Variants in MSRA observed in about 807,000 individuals in gnomAD.
The protein encoded by MSRA is methionine sulfoxide reductase A, also known as mitochondrial peptide methionine sulfoxide reductase.
A neutral mutation model predicts 31.3 loss-of-function variants in MSRA; 54 were observed. The ratio of observed to expected loss-of-function variants is 1.73; its 90% CI spans 1.39 to 2.17. The LOEUF (loss-of-function observed/expected upper bound fraction) is 2.17, where lower values mean the gene tolerates loss of function less well. Among genes scored for constraint, MSRA ranks in the 30% most tolerant of loss-of-function variants. MSRA has a pLI of 0.00. For missense variants in MSRA, 507 were observed against 300.9 expected, an observed-to-expected ratio of 1.69 and a Z score of -5.07; for synonymous variants, 169 against 116.5, an observed-to-expected ratio of 1.45 and a Z score of -2.90.
intron 2 of MSRA, among the ~76,000 whole-genome samples, chr8:10,232,233 A>T (rs926259499): frequency 6.6e-6 from 1 of 152,202 alleles, no homozygotes; most frequent in Non-Finnish European, 1.5e-5. Flanking sequence ...GTAACTGCAC[A>T]TGTTCTAATG....
intron 5 of MSRA, among the ~76,000 whole-genome samples, chr8:10,327,293 A>G (rs752678159): frequency 2.6e-5 from 4 of 152,152 alleles, no homozygotes; most frequent in South Asian, 2.1e-4. Context: ...ATCAGTATAT[A>G]GCTACAATCT....
intron 1 of MSRA, among the ~76,000 whole-genome samples, chr8:10,093,198 T>A (rs1340318219): frequency 6.6e-6 from 1 of 152,220 alleles, no homozygotes; most frequent in Non-Finnish European, 1.5e-5. Flanking sequence ...ATGCAATTAC[T>A]GATGAGATAG....
chr8:10,264,014 A>G (rs531364418), intron 3 of MSRA, among the ~76,000 whole-genome samples: 26 of 152,288 alleles, frequency 1.7e-4, no homozygotes, highest in African/African-American at 6.3e-4. Context: ...CACAGGCTTC[A>G]GATCTGTGTG....
intron 3 of MSRA, among the ~76,000 whole-genome samples, chr8:10,278,389 C>T (rs923487760): frequency 6.6e-6 from 1 of 152,252 alleles, no homozygotes; most frequent in African/African-American, 2.4e-5. Flanking sequence ...CGCACATGCA[C>T]AGGTTGACTT....
chr8:10,275,764 A>T (rs1799288419), intron 3 of MSRA, among the ~76,000 whole-genome samples: 1 of 152,172 alleles, frequency 6.6e-6, no homozygotes, highest in Non-Finnish European at 1.5e-5. Context: ...AAAACAGGAA[A>T]CCTCAGTACA....
rs764077051 is a variant in MSRA at position 10,301,629 on chromosome 8, C to T, written c.427C>T (p.Pro143Ser). 1 of 1,613,404 alleles carries T rather than the reference C, an allele frequency of 6.2e-7. No homozygotes were observed. The highest frequency in any genetic ancestry group is 8.5e-7 in the Non-Finnish European group (1 of 1,179,504). Residue 143 changes from proline to serine, a missense_variant, in exon 4 of 6, where the codon CCG becomes TCG. By Grantham distance (74) the Pro-to-Ser change is moderately conservative. Transcript: ENST00000317173. The stretch of plus-strand genomic sequence containing the variant: ...CAAGGTCTTCTGGGAGAATCACGAC[C>T]CGACCCAAGGTAGAGTGATGAGTGA... ...LLKVFWENHD[P>S]TQGMRQGNDH...
rs771849740 is a variant in MSRA, at chr8:10,242,122, T to C, written c.212-2982T>C. On this transcript the variant is annotated intron_variant, in intron 2 of 5. Transcript: ENST00000317173. Reference sequence around the variant, plus strand: ...CCCCATCTCTACTAAAAACACAGAATTAGCCGGGCATGGTAGTACGCGCTT... The same window carrying C: ...CCCCATCTCTACTAAAAACACAGAACTAGCCGGGCATGGTAGTACGCGCTT... 2.0e-5 allele frequency among the ~76,000 whole-genome samples: 3 copies of C among 152,036 alleles called. No individual in the cohort carries two copies. The South Asian group carries it at 6.2e-4, about 32-fold the overall frequency.
intron 1 of MSRA, among the ~76,000 whole-genome samples, chr8:10,132,852 G>A (rs936232481): frequency 1.9e-4 from 29 of 152,214 alleles, no homozygotes; most frequent in African/African-American, 6.5e-4. Flanking sequence ...ACAAAGGTAT[G>A]TCTTTTGACT....
chr8:10,129,933 G>A (rs952909807), intron 1 of MSRA, among the ~76,000 whole-genome samples: 1 of 152,100 alleles, frequency 6.6e-6, no homozygotes, highest in African/African-American at 2.4e-5. Flanking sequence ...TAAAACCTGT[G>A]ACATAAAATA....
intron 1 of MSRA, among the ~76,000 whole-genome samples, chr8:10,129,059 TCGC>T (rs1801707653): frequency 6.6e-6 from 1 of 152,234 alleles, no homozygotes; most frequent in African/African-American, 2.4e-5. Context: ...TCTCAACTCT[TCGC>T]AGTTCTATTT....
At chr8:10,364,470 T>C (rs1487563277) in intron 5 of MSRA, among the ~76,000 whole-genome samples, 1 of 152,296 alleles carries the variant, frequency 6.6e-6, no homozygotes, top group African/African-American at 2.4e-5. Flanking sequence ...AGGAAGAGAA[T>C]TGTGGGACCA....
At chr8:10,288,957 G>A (rs138863717) in intron 3 of MSRA, among the ~76,000 whole-genome samples, 185 of 151,626 alleles carry the variant, frequency 1.2e-3, no homozygotes, top group Non-Finnish European at 2.0e-3. Context: ...TTGAAGTGGT[G>A]AGCTTCAATA....
chr8:10,206,916 G>A lies in MSRA; in HGVS notation c.143-917G>A, dbSNP rs149428677. 1.1e-4 allele frequency among the ~76,000 whole-genome samples: 17 copies of A among 152,310 alleles called. 1 individual carries two copies. Among genetic ancestry groups the A allele is most frequent in the African/African-American group, 3.4e-4 (14 of 41,568 alleles). ...CATCCTTCCCTAGACCCCTCCAAGC[G>A]TGGCTTCAGTGCTGAGCCCTTTGCC... On this transcript the variant is annotated intron_variant, in intron 1 of 5. Coordinates refer to ENST00000317173, the MANE Select transcript of MSRA (RefSeq NM_012331.5).
chr8:10,385,591 G>C (rs6601450), intron 5 of MSRA, among the ~76,000 whole-genome samples: 16 of 151,884 alleles, frequency 1.1e-4, no homozygotes, highest in Non-Finnish European at 2.2e-4. Context: ...ATTACTCTGT[G>C]GTAAGGAGAT....
intron 1 of MSRA, among the ~76,000 whole-genome samples, chr8:10,185,480 G>A (rs950322696): frequency 6.7e-6 from 1 of 149,990 alleles, no homozygotes; most frequent in South Asian, 2.2e-4. Context: ...TTAATGCCCT[G>A]AAGATGCCAC....
intron 1 of MSRA, among the ~76,000 whole-genome samples, chr8:10,204,902 C>T (rs1385005474): frequency 6.6e-6 from 1 of 152,234 alleles, no homozygotes; most frequent in Non-Finnish European, 1.5e-5. Context: ...CCTCCCTGAG[C>T]TTGCAGTCTA....
At chr8:10,254,201 GGGA>G (rs1798061156) in intron 3 of MSRA, among the ~76,000 whole-genome samples, 1 of 152,182 alleles carries the variant, frequency 6.6e-6, no homozygotes, top group East Asian at 1.9e-4. Context: ...CTTTGAGAAT[GGGA>G]GGTAGCATCA....
At chr8:10,266,401 C>T (rs1014446607) in intron 3 of MSRA, among the ~76,000 whole-genome samples, 1 of 152,142 alleles carries the variant, frequency 6.6e-6, no homozygotes, top group Non-Finnish European at 1.5e-5. Flanking sequence ...CATAAATTGT[C>T]TGTTCAAATC....
intron 1 of MSRA, among the ~76,000 whole-genome samples, chr8:10,119,281 A>C (rs1186812999): frequency 6.6e-6 from 1 of 152,208 alleles, no homozygotes; most frequent in Non-Finnish European, 1.5e-5. Context: ...ATGAAATATG[A>C]ATGGGTCTTT....
Sources: gnomAD v4.1 joint callset for allele counts (sites outside exome capture counted in the v4.1 genomes callset) on GRCh38, gnomAD v4.1.1 for gene constraint, MANE v1.5 for transcripts, NCBI Gene and HGNC (gene_info 2026-07-23, HGNC 2026-07-21) for gene names.